ARHGAP40: variants seen among roughly 807,000 people sequenced by gnomAD.
The protein encoded by ARHGAP40 is Rho GTPase activating protein 40.
In ARHGAP40, 43 loss-of-function variants were observed where a neutral mutation model predicts 73.5. The observed-to-expected ratio is 0.58, with a 90% CI of 0.46 to 0.75. The LOEUF is 0.75. Among genes scored for constraint, ARHGAP40 ranks in the 30% least tolerant of loss-of-function variants. The pLI, the probability that ARHGAP40 is intolerant of heterozygous loss-of-function variation, is 0.00. For missense variants in ARHGAP40, 734 were observed against 861.8 expected, an observed-to-expected ratio of 0.85 and a Z score of 1.86; for synonymous variants, 300 against 352.8, an observed-to-expected ratio of 0.85 and a Z score of 1.68.
chr20:38,634,648 G>A, exon 6 of ARHGAP40: 2 of 1,305,454 alleles, frequency 1.5e-6, no homozygotes, highest in Non-Finnish European at 2.0e-6. Context: ...GGCAGACTTG[G>A]CGTGACGAGG....
intron 5 of ARHGAP40, among the ~76,000 whole-genome samples, chr20:38,634,213 G>C (rs956269019): frequency 1.3e-5 from 2 of 152,100 alleles, no homozygotes; most frequent in Admixed American, 6.6e-5. Flanking sequence ...TTAGCCAGGT[G>C]TCGAGGTGCA....
intron 13 of ARHGAP40, 34 bp from the exon 14 acceptor site, chr20:38,648,609 A>G (rs1281944974): frequency 7.7e-7 from 1 of 1,291,910 alleles, no homozygotes; most frequent in Admixed American, 2.4e-5. Context: ...AGAAAAAGGC[A>G]GTAGTTTTTT....
intron 1 of ARHGAP40, among the ~76,000 whole-genome samples, chr20:38,613,278 C>A (rs751954401): frequency 2.6e-5 from 4 of 152,124 alleles, no homozygotes; most frequent in African/African-American, 7.2e-5. Flanking sequence ...TGGGCAGTAC[C>A]TTAATCTCCC....
exon 11 of ARHGAP40, chr20:38,643,763 G>A (rs756490331): frequency 5.7e-5 from 75 of 1,305,784 alleles, no homozygotes; most frequent in Non-Finnish European, 7.2e-5. Flanking sequence ...AGATGACTCT[G>A]AGGAATGTTT....
At chr20:38,614,904 G>T in intron 1 of ARHGAP40, 1 of 1,347,518 alleles carries the variant, frequency 7.4e-7, no homozygotes, top group Non-Finnish European at 1.1e-6. Flanking sequence ...GCCTGCACCA[G>T]GCCTTTCTCT....
intron 1 of ARHGAP40, among the ~76,000 whole-genome samples, chr20:38,604,604 C>A (rs2145590793): frequency 6.6e-6 from 1 of 152,210 alleles, no homozygotes; most frequent in Middle Eastern, 3.4e-3. Context: ...TCATGTTGGT[C>A]AGGCTGGTCT....
chr20:38,646,854 G>C lies in ARHGAP40; in HGVS notation c.1711-103G>C, dbSNP rs2089056725. 1 of 1,069,128 alleles carries C rather than the reference G, an allele frequency of 9.4e-7. No individual in the cohort carries two copies. The highest frequency in any genetic ancestry group is 1.7e-5 in the African/African-American group (1 of 60,186). 66.2% of individuals were successfully genotyped at this position (1,069,128 alleles called of 1,614,324 possible). A position where few individuals can be genotyped will look rare whatever the true frequency, so the allele number is the denominator to read the frequency against. ...TGTGTATCTTGTGATTTTCAGCGTG[G>C]GCATTTGCGTAAGTGCCATGTATGC... On this transcript the variant is annotated intron_variant, in intron 12 of 14. Transcript: ENST00000373345. This position sits in a 1 kb window ranked among gnomAD's most constrained non-coding sequence, Gnocchi z 4.5.
intron 4 of ARHGAP40, 23 bp downstream of exon 4, chr20:38,629,025 G>A: frequency 7.7e-7 from 1 of 1,299,098 alleles, no homozygotes; most frequent in Non-Finnish European, 1.0e-6. Context: ...CATTCTCCAG[G>A]GCCCTGAGAA....
At chr20:38,617,820 A>G (rs1308257669) in intron 1 of ARHGAP40, among the ~76,000 whole-genome samples, 2 of 152,184 alleles carry the variant, frequency 1.3e-5, no homozygotes, top group Non-Finnish European at 2.9e-5. Flanking sequence ...AGCAACATAT[A>G]TTGATCAAAC....
intron 2 of ARHGAP40, among the ~76,000 whole-genome samples, chr20:38,626,395 G>A (rs192624525): frequency 6.6e-6 from 1 of 152,324 alleles, no homozygotes; most frequent in Admixed American, 6.5e-5. Context: ...TCGAAGTGCA[G>A]ATTCTCAGGC....
Position 38,646,089 on chromosome 20 carries a change from A to G in ARHGAP40, c.1612A>G (p.Ser538Gly). ...CGCCCAGGTGCGAAAACTGAACGAC[A>G]GTAGCAGCAGGCGCCCCCAGCTCTG... Residue 538 changes from serine to glycine, a missense_variant, in exon 12 of 15, where the codon AGT becomes GGT. Coordinates refer to ENST00000373345, the Ensembl canonical transcript of ARHGAP40. This position sits in a 1 kb window ranked among gnomAD's most constrained non-coding sequence, Gnocchi z 4.5. 1 of 1,304,278 alleles carries G rather than the reference A, an allele frequency of 7.7e-7. No individual in the cohort carries two copies. Among genetic ancestry groups the G allele is most frequent in the Non-Finnish European group, 1.0e-6 (1 of 988,888 alleles). The allele number at this position is 1,304,278 out of a possible 1,614,324, so 80.8% of individuals were successfully genotyped here.
At chr20:38,634,395 G>A (rs561460637) in intron 5 of ARHGAP40, among the ~76,000 whole-genome samples, 7 of 152,116 alleles carry the variant, frequency 4.6e-5, no homozygotes, top group Non-Finnish European at 1.0e-4. Flanking sequence ...TCTGAGGTAG[G>A]CTCTATTTTA....
intron 1 of ARHGAP40, among the ~76,000 whole-genome samples, chr20:38,605,907 G>A (rs2088768383): frequency 6.6e-6 from 1 of 151,692 alleles, no homozygotes; most frequent in East Asian, 1.9e-4. Context: ...TTCTTTTGGA[G>A]ACAGAGTCTT....
exon 2 of ARHGAP40, chr20:38,623,544 G>T: frequency 7.8e-7 from 1 of 1,289,732 alleles, no homozygotes; most frequent in Non-Finnish European, 1.0e-6. Context: ...GGGAATGAAG[G>T]CCAGCTTCCA....
At chr20:38,614,492 C>T (rs1372338760) in intron 1 of ARHGAP40, among the ~76,000 whole-genome samples, 2 of 152,000 alleles carry the variant, frequency 1.3e-5, no homozygotes, top group Non-Finnish European at 2.9e-5. Flanking sequence ...CTAAATTTAG[C>T]CCAAGAAATC....
intron 1 of ARHGAP40, among the ~76,000 whole-genome samples, chr20:38,617,310 G>C (rs58921944): frequency 1.3e-5 from 2 of 152,200 alleles, no homozygotes; most frequent in Admixed American, 1.3e-4. Flanking sequence ...GTGGCTCTCA[G>C]CTTTACATGG....
At chr20:38,610,895 C>CTTTTTTTTTTTTT (rs1409196101) in intron 1 of ARHGAP40, among the ~76,000 whole-genome samples, 2 of 105,680 alleles carry the variant, frequency 1.9e-5, no homozygotes, top group Non-Finnish European at 4.2e-5. Context: ...TTTTTTTTTT[C>CTTTTTTTTTTTTT]TTTTTTTTTT....
At chr20:38,613,644 G>A (rs543721183) in intron 1 of ARHGAP40, among the ~76,000 whole-genome samples, 14 of 152,288 alleles carry the variant, frequency 9.2e-5, no homozygotes, top group South Asian at 6.2e-4. Context: ...TGGGCCCAGC[G>A]TGGGTCCTCT....
At chr20:38,640,922 G>T (rs888285743) in intron 9 of ARHGAP40, among the ~76,000 whole-genome samples, 1 of 152,164 alleles carries the variant, frequency 6.6e-6, no homozygotes, top group Non-Finnish European at 1.5e-5. Flanking sequence ...TTTATTCTTT[G>T]CTTGTGTATT....
Sources: gnomAD v4.1 joint callset for allele counts (sites outside exome capture counted in the v4.1 genomes callset) on GRCh38, gnomAD v4.1.1 for gene constraint, Gnocchi (gnomAD v3.1) non-coding constraint, MANE v1.5 for transcripts, NCBI Gene and HGNC (gene_info 2026-07-23, HGNC 2026-07-21) for gene names.